ARHGAP21: variants seen among roughly 807,000 people sequenced by gnomAD.
ARHGAP21 encodes Rho GTPase activating protein 21.
A neutral mutation model predicts 164.6 loss-of-function variants in ARHGAP21; 38 were observed. The ratio of observed to expected loss-of-function variants is 0.23; its 90% CI spans 0.18 to 0.30. ARHGAP21 has a LOEUF of 0.30. Among genes scored for constraint, ARHGAP21 ranks in the 10% least tolerant of loss-of-function variants. ARHGAP21 has a pLI of 1.00. For synonymous variants in ARHGAP21, 766 were observed against 857.9 expected, an observed-to-expected ratio of 0.89 and a Z score of 1.87; for missense variants, 1,822 against 2,370.7, an observed-to-expected ratio of 0.77 and a Z score of 4.81.
chr10:24,621,468 C>G lies in ARHGAP21; in HGVS notation c.526-99G>C, dbSNP rs1834537520. On this transcript the variant is annotated intron_variant, in intron 8 of 25. Transcript: ENST00000396432. The stretch of plus-strand genomic sequence containing the variant: ...TATTTTATCTATGTCCTACCTCGTT[C>G]CTGAGTGACATTCACTATAGCATGC... The G allele has an allele frequency of 9.1e-6, 10 of 1,100,646 alleles. 1 individual carries two copies. The South Asian group carries it at 1.2e-4, about 13-fold the overall frequency. 68.2% of individuals were successfully genotyped at this position (1,100,646 alleles called of 1,614,324 possible).
chr10:24,648,534 C>T (rs1045003513), intron 4 of ARHGAP21, among the ~76,000 whole-genome samples: 61 of 152,126 alleles, frequency 4.0e-4, no homozygotes, highest in African/African-American at 1.4e-3. Context: ...AATCCCAGCA[C>T]TTTGGGAGGC....
chr10:24,595,638 T>A, intron 19 of ARHGAP21, 79 bp downstream of exon 19: 1 of 1,412,532 alleles, frequency 7.1e-7, no homozygotes, highest in East Asian at 2.3e-5. Context: ...ATTTTGTCCT[T>A]GTTCAATTTA....
chr10:24,666,022 G>GTTTGT (rs527657297), intron 4 of ARHGAP21, among the ~76,000 whole-genome samples: 135 of 152,206 alleles, frequency 8.9e-4, no homozygotes, highest in African/African-American at 3.0e-3. Flanking sequence ...GGTATTGTAA[G>GTTTGT]TTTGTTTTGT....
intron 4 of ARHGAP21, among the ~76,000 whole-genome samples, chr10:24,658,760 T>C (rs1299675240): frequency 6.6e-6 from 1 of 152,014 alleles, no homozygotes; most frequent in African/African-American, 2.4e-5. Flanking sequence ...CACACCAACA[T>C]GGCACATGTA....
chr10:24,666,574 CAT>C (rs1178422222), intron 4 of ARHGAP21, among the ~76,000 whole-genome samples: 2 of 152,154 alleles, frequency 1.3e-5, no homozygotes, highest in Non-Finnish European at 2.9e-5. Context: ...TCAACAGTAA[CAT>C]TAACTACAAG....
chr10:24,638,570 T>C lies in ARHGAP21; in HGVS notation c.269-3467A>G, dbSNP rs186885458. Among the ~76,000 whole-genome samples, 307 of 152,362 alleles carry C rather than the reference T, an allele frequency of 2.0e-3. 1 individual carries two copies. The highest frequency in any genetic ancestry group is 7.1e-3 in the African/African-American group (296 of 41,584). On this transcript the variant is annotated intron_variant, in intron 4 of 25. Transcript: ENST00000396432. Reference sequence around the variant, plus strand: ...AGTGACTCCTTACTTCCCTGTATGATTACTTAGCAGACCCAGATGGCTTCC... The same window carrying C: ...AGTGACTCCTTACTTCCCTGTATGACTACTTAGCAGACCCAGATGGCTTCC...
At chr10:24,657,070 G>GT (rs1380535813) in intron 4 of ARHGAP21, among the ~76,000 whole-genome samples, 1 of 53,946 alleles carries the variant, frequency 1.9e-5, no homozygotes, top group Non-Finnish European at 3.8e-5. Context: ...GGAGGGAGGT[G>GT]GGGGTGTCAG....
At chr10:24,612,117 AAT>A (rs1164160979) in intron 9 of ARHGAP21, among the ~76,000 whole-genome samples, 1 of 152,192 alleles carries the variant, frequency 6.6e-6, no homozygotes, top group African/African-American at 2.4e-5. Flanking sequence ...AGTTGACAAT[AAT>A]TTTATGTAAC....
At chr10:24,664,486 G>A (rs1363118905) in intron 4 of ARHGAP21, among the ~76,000 whole-genome samples, 1 of 151,478 alleles carries the variant, frequency 6.6e-6, no homozygotes, top group Non-Finnish European at 1.5e-5. Flanking sequence ...AACCCAGGAG[G>A]AGGAGGTGGC....
intron 6 of ARHGAP21, among the ~76,000 whole-genome samples, chr10:24,631,854 A>T (rs1835884471): frequency 6.6e-6 from 1 of 152,086 alleles, no homozygotes. Context: ...TCAGCCTCCC[A>T]AGTATCTGGG....
At chr10:24,707,465 A>AT (rs1489617066) in intron 2 of ARHGAP21, among the ~76,000 whole-genome samples, 1 of 152,138 alleles carries the variant, frequency 6.6e-6, no homozygotes. Flanking sequence ...TCAACCTGTG[A>AT]TTTTAACTAT....
At chr10:24,629,664 G>A in intron 7 of ARHGAP21, 1 of 219,764 alleles carries the variant, frequency 4.6e-6, no homozygotes. Context: ...TCTAATTCCT[G>A]GGGATATGCA....
intron 4 of ARHGAP21, among the ~76,000 whole-genome samples, chr10:24,650,443 G>A (rs889138178): frequency 6.6e-6 from 1 of 152,124 alleles, no homozygotes; most frequent in African/African-American, 2.4e-5. Flanking sequence ...TGTAAGAGTA[G>A]AACAGAATTT....
chr10:24,711,287 G>A (rs1324698332), intron 2 of ARHGAP21, among the ~76,000 whole-genome samples: 1 of 151,716 alleles, frequency 6.6e-6, no homozygotes, highest in East Asian at 1.9e-4. Context: ...TCTGGGAGAA[G>A]GAAAAGAAGG....
chr10:24,721,915 AAAG>A lies in ARHGAP21; in HGVS notation c.-19_-17del, dbSNP rs762675827. On this transcript the variant is annotated 5_prime_UTR_variant, in exon 2 of 26. Transcript: ENST00000396432. ...TGGCCATCATTTCATTTCAAATGAC[AAAG>A]AAGGGACAAATCCTTTGGAGTCCAC... 22 of 1,613,722 alleles carry A rather than the reference AAAG, an allele frequency of 1.4e-5. No homozygotes were observed. The South Asian group carries it at 1.5e-4, about 11-fold the overall frequency.
At chr10:24,697,593 A>C (rs1011434918) in intron 2 of ARHGAP21, among the ~76,000 whole-genome samples, 1 of 152,172 alleles carries the variant, frequency 6.6e-6, no homozygotes, top group African/African-American at 2.4e-5. Flanking sequence ...ACGGTGGTTC[A>C]TACCTCTAAT....
chr10:24,612,700 A>T (rs942630787), intron 9 of ARHGAP21, among the ~76,000 whole-genome samples: 9 of 151,612 alleles, frequency 5.9e-5, no homozygotes, highest in African/African-American at 2.2e-4. Context: ...TAAAAATACA[A>T]AAAAATTAGC....
intron 2 of ARHGAP21, among the ~76,000 whole-genome samples, chr10:24,687,417 A>G (rs185705857): frequency 6.6e-6 from 1 of 152,362 alleles, no homozygotes; most frequent in Admixed American, 6.5e-5. Flanking sequence ...GAAAATGAAG[A>G]CTTTAAAACA....
chr10:24,626,448 G>A (rs973134658), intron 7 of ARHGAP21, among the ~76,000 whole-genome samples: 4 of 152,176 alleles, frequency 2.6e-5, no homozygotes, highest in African/African-American at 9.7e-5. Context: ...AAGCCACAGA[G>A]AGCTGCGTCA....
Sources: gnomAD v4.1 joint callset for allele counts (sites outside exome capture counted in the v4.1 genomes callset) on GRCh38, gnomAD v4.1.1 for gene constraint, MANE v1.5 for transcripts, NCBI Gene and HGNC (gene_info 2026-07-23, HGNC 2026-07-21) for gene names.